CEP76: variants seen among roughly 807,000 people sequenced by gnomAD.
CEP76 encodes the protein centrosomal protein of 76 kDa.
A neutral mutation model predicts 83.3 loss-of-function variants in CEP76; 55 were observed. The observed-to-expected ratio is 0.66, with a 90% CI of 0.53 to 0.83. The LOEUF (loss-of-function observed/expected upper bound fraction) is 0.83. Ranked by LOEUF, CEP76 falls within the 40% of genes least tolerant of loss-of-function variation. The probability of loss-of-function intolerance (pLI) is 0.00; values close to 1 mark genes in which losing one functional copy is unlikely to be tolerated. For missense variants in CEP76, 694 were observed against 799.5 expected (o/e 0.87, Z 1.59); for synonymous variants, 270 against 274.5 (o/e 0.98, Z 0.16).
At chr18:12,666,436 G>GTA (rs1555640544) in intron 12 of CEP76, among the ~76,000 whole-genome samples, 16,574 of 126,616 alleles carry the variant, frequency 0.13, 1,196 homozygotes, top group African/African-American at 0.14. Flanking sequence ...AAATTTTATG[G>GTA]TTTTTTTTTT....
intron 8 of CEP76, chr18:12,685,994 A>G (rs2039527100): frequency 1.8e-5 from 5 of 277,204 alleles, no homozygotes; most frequent in Non-Finnish European, 3.4e-5. Flanking sequence ...AATCACCTCT[A>G]AATTGTTTAA....
rs947527287 is a variant in CEP76 at position 12,661,966 on chromosome 18, T to G, written c.*1931A>C. The G allele has an allele frequency of 2.7e-5, 7 of 256,882 alleles. No individual in the cohort carries two copies. The East Asian group carries it at 3.0e-4, about 11-fold the overall frequency. 15.9% of individuals were successfully genotyped at this position (256,882 alleles called of 1,614,324 possible). On this transcript the variant is annotated 3_prime_UTR_variant and NMD_transcript_variant, in exon 13 of 13. Coordinates refer to the CEP76 transcript ENST00000590143. Reference sequence around the variant, plus strand: ...TGTTACTCTGAATATGATTTTGTTTTGTTGATTTTGTTACTTTATTAAAAA... The same window carrying G: ...TGTTACTCTGAATATGATTTTGTTTGGTTGATTTTGTTACTTTATTAAAAA...
In CEP76 at chr18:12,697,312, G is replaced by A. The variant is rs2039990606; in HGVS notation, c.617C>T (p.Thr206Ile). ...TTCCAGAAAATATGATGCTACTAAAGTCGTCTCACCAAATATGTCTGTTTT... is the reference window on the plus strand; with the variant it reads ...TTCCAGAAAATATGATGCTACTAAAATCGTCTCACCAAATATGTCTGTTTT... ...LIKTDIFGET[T>I]LVASYFLEWR... The change falls in exon 5 of 12, where the codon ACT becomes ATT. Residue 206 changes from threonine to isoleucine, a missense_variant. By Grantham distance (89) the Thr-to-Ile change is moderately conservative. Coordinates refer to ENST00000262127, the MANE Select transcript of CEP76 (RefSeq NM_024899.4). The A allele has an allele frequency of 6.2e-7, 1 of 1,613,862 alleles. No individual in the cohort carries two copies. Among genetic ancestry groups the A allele is most frequent in the African/African-American group, 1.3e-5 (1 of 75,012 alleles).
At chr18:12,675,813 C>T (rs1225446014) in intron 10 of CEP76, among the ~76,000 whole-genome samples, 1 of 152,000 alleles carries the variant, frequency 6.6e-6, no homozygotes, top group African/African-American at 2.4e-5. Context: ...GGACTACAGA[C>T]ACCTGCCACC....
intron 8 of CEP76, among the ~76,000 whole-genome samples, chr18:12,681,795 T>A (rs1214846475): frequency 6.6e-6 from 1 of 152,170 alleles, no homozygotes; most frequent in Non-Finnish European, 1.5e-5. Context: ...TCTTTGGTTA[T>A]ATTACTTTCA....
In CEP76 at chr18:12,674,161, G is replaced by C. The variant is rs564866905; in HGVS notation, c.1841+375C>G. Among the ~76,000 whole-genome samples, 3 of 152,174 alleles carry C rather than the reference G, an allele frequency of 2.0e-5. No individual in the cohort carries two copies. The East Asian group carries it at 5.8e-4, about 29-fold the overall frequency. On this transcript the variant is annotated intron_variant, in intron 11 of 11. Transcript: ENST00000262127. The stretch of plus-strand genomic sequence containing the variant: ...CTAAATAACTACCAGATTAGGCTGG[G>C]TGCAACGGCTCACACCTGTAATCCC...
rs1461953586 is a variant in CEP76, at chr18:12,697,100, C to CT, written c.706+122dup. 6 of 684,400 alleles carry CT rather than the reference C, an allele frequency of 8.8e-6. No homozygotes were observed. In the South Asian group the frequency reaches 1.2e-4, roughly 14 times the overall value. The allele number at this position is 684,400 out of a possible 1,614,324, so 42.4% of individuals were successfully genotyped here. A position where few individuals can be genotyped will look rare whatever the true frequency, so the allele number is the denominator to read the frequency against. Reference sequence around the variant, plus strand: ...AGGATGCTGAGGTCCAATTGTAACTCTAACGAAATTCTATTTTACAGGTTT... The same window carrying CT: ...AGGATGCTGAGGTCCAATTGTAACTCTTAACGAAATTCTATTTTACAGGTTT... On this transcript the variant is annotated intron_variant, in intron 5 of 11. Coordinates refer to ENST00000262127, the MANE Select transcript of CEP76 (RefSeq NM_024899.4).
chr18:12,678,691 G>A (rs757758774), intron 9 of CEP76, among the ~76,000 whole-genome samples: 2 of 151,952 alleles, frequency 1.3e-5, no homozygotes, highest in Non-Finnish European at 2.9e-5. Context: ...ATCAAAGGCC[G>A]GATGCGGTAG....
At chr18:12,662,481 A>G (rs2038713407) in intron 12 of CEP76, among the ~76,000 whole-genome samples, 1 of 152,242 alleles carries the variant, frequency 6.6e-6, no homozygotes, top group Admixed American at 6.5e-5. Context: ...AGAGAGCGAG[A>G]ATAAAGTCCT....
At chr18:12,666,214 G>C (rs1275876091) in intron 12 of CEP76, among the ~76,000 whole-genome samples, 1 of 151,612 alleles carries the variant, frequency 6.6e-6, no homozygotes, top group East Asian at 1.9e-4. Context: ...TATATTCCCA[G>C]CTACTTAAGA....
intron 7 of CEP76, 122 bp downstream of exon 7, chr18:12,691,237 A>G (rs1343293813): frequency 9.7e-6 from 6 of 617,374 alleles, no homozygotes; most frequent in Non-Finnish European, 1.5e-5. Context: ...TCAGCATTTT[A>G]TTTTACAAAT....
chr18:12,694,204 G>T (rs2145084296), intron 6 of CEP76, among the ~76,000 whole-genome samples: 1 of 152,292 alleles, frequency 6.6e-6, no homozygotes, highest in South Asian at 2.1e-4. Context: ...AGAGGGAGAT[G>T]AGAGTTTACA....
downstream of CEP76, among the ~76,000 whole-genome samples, chr18:12,668,292 C>T (rs2038847163): frequency 6.7e-6 from 1 of 149,322 alleles, no homozygotes; most frequent in African/African-American, 2.5e-5. Context: ...CCGCCACTGG[C>T]CAAAAAAAGT....
At chr18:12,698,438 G>A (rs2040037979) in intron 4 of CEP76, among the ~76,000 whole-genome samples, 2 of 152,098 alleles carry the variant, frequency 1.3e-5, no homozygotes, top group Admixed American at 1.3e-4. Context: ...CAAAGTGCTG[G>A]GATTACAGGC....
At chr18:12,685,523 A>T (rs1191185761) in intron 8 of CEP76, 2 of 152,186 alleles carry the variant, frequency 1.3e-5, no homozygotes, top group Non-Finnish European at 2.9e-5. Context: ...TTTAAATGTT[A>T]TGAAAAACAG....
chr18:12,691,205 A>C, intron 7 of CEP76, 154 bp downstream of exon 7: 1 of 500,932 alleles, frequency 2.0e-6, no homozygotes. Flanking sequence ...CTCACTATGC[A>C]GTGAAAGAGA....
chr18:12,677,466 A>G (rs2039183156), intron 10 of CEP76, among the ~76,000 whole-genome samples: 2 of 149,094 alleles, frequency 1.3e-5, no homozygotes, highest in Admixed American at 6.7e-5. Context: ...CTCAAAAAAA[A>G]AAAAAAAAAA....
At chr18:12,686,063 T>C (rs561779180) in intron 8 of CEP76, 199 bp downstream of exon 8, 111 of 463,544 alleles carry the variant, frequency 2.4e-4, no homozygotes, top group African/African-American at 1.9e-3. Context: ...TTTTAATTTG[T>C]ACTATTTTTT....
chr18:12,702,194 C>T (rs1448062325), intron 1 of CEP76, among the ~76,000 whole-genome samples: 1 of 152,240 alleles, frequency 6.6e-6, no homozygotes, highest in East Asian at 1.9e-4. Context: ...CTCGATCCGA[C>T]TTCCAGAAGT....
Sources: allele counts gnomAD v4.1 joint callset (sites outside exome capture counted in the v4.1 genomes callset), GRCh38; gene constraint gnomAD v4.1.1; transcripts MANE v1.5; gene names NCBI Gene and HGNC (gene_info 2026-07-23, HGNC 2026-07-21).